Variants in RYR3 observed in about 807,000 individuals in gnomAD.
RYR3 encodes the protein brain ryanodine receptor-calcium release channel.
RYR3 carries 207 observed loss-of-function variants against 584.3 expected under a neutral mutation model. The observed-to-expected ratio is 0.35, with a 90% CI of 0.32 to 0.40. The LOEUF is 0.40. Ranked by LOEUF, RYR3 falls within the 10% of genes least tolerant of loss-of-function variation. The probability of loss-of-function intolerance (pLI) is 1.00; values close to 1 mark genes in which losing one functional copy is unlikely to be tolerated. For synonymous variants in RYR3, 2,416 were observed against 2,248.5 expected, an observed-to-expected ratio of 1.07 and a Z score of -2.11; for missense variants, 5,616 against 6,089.2, an observed-to-expected ratio of 0.92 and a Z score of 2.59.
chr15:33,714,080 G>A (rs1261353120), intron 43 of RYR3, among the ~76,000 whole-genome samples: 1 of 152,092 alleles, frequency 6.6e-6, no homozygotes, highest in African/African-American at 2.4e-5. Context: ...AGTCTCATAG[G>A]TAGTAGAAAG....
At chr15:33,466,656 T>G (rs2048510692) in intron 1 of RYR3, among the ~76,000 whole-genome samples, 1 of 152,222 alleles carries the variant, frequency 6.6e-6, no homozygotes, top group South Asian at 2.1e-4. Context: ...AAAATGAGAT[T>G]AATAATATTT....
intron 38 of RYR3, among the ~76,000 whole-genome samples, chr15:33,673,406 G>A (rs375280515): frequency 2.6e-5 from 4 of 152,266 alleles, no homozygotes; most frequent in East Asian, 1.9e-4. Flanking sequence ...AATGTTGAAG[G>A]GATTTGCCTA....
chr15:33,342,330 A>G (rs1354795209), intron 1 of RYR3, among the ~76,000 whole-genome samples: 2 of 152,210 alleles, frequency 1.3e-5, no homozygotes, highest in Admixed American at 6.5e-5. Context: ...ATACAAGATG[A>G]CAGAAGTTGT....
Position 33,741,816 on chromosome 15 carries a change from G to A in RYR3, c.7821-550G>A, listed in dbSNP as rs1035237559. Among the ~76,000 whole-genome samples, 7 of 151,934 alleles carry A rather than the reference G, an allele frequency of 4.6e-5. No homozygotes were observed. The South Asian group carries it at 8.3e-4, about 18-fold the overall frequency. On this transcript the variant is annotated intron_variant, in intron 51 of 103. Coordinates refer to ENST00000634891, the MANE Select transcript of RYR3 (RefSeq NM_001036.6). The stretch of plus-strand genomic sequence containing the variant: ...TTTTTAGTAGAGACGGGGTTTCACC[G>A]TGTTAGCCAGGATGGTCTCGATTTC...
intron 10 of RYR3, among the ~76,000 whole-genome samples, chr15:33,561,829 G>A (rs961065611): frequency 4.0e-5 from 6 of 151,878 alleles, no homozygotes; most frequent in Non-Finnish European, 8.8e-5. Context: ...GAGCCTGGGG[G>A]CAGAGGTTGC....
At chr15:33,511,865 A>G (rs1340653795) in intron 3 of RYR3, among the ~76,000 whole-genome samples, 18 of 152,000 alleles carry the variant, frequency 1.2e-4, no homozygotes, top group South Asian at 8.3e-4. Context: ...TGCAAGCTCC[A>G]CCTCCCGGGT....
At position 33,425,206 on chromosome 15, in the gene RYR3, C is replaced by G. The variant is rs192695195; in HGVS notation, c.52-48213C>G. On this transcript the variant is annotated intron_variant, in intron 1 of 103. Coordinates refer to ENST00000634891, the MANE Select transcript of RYR3 (RefSeq NM_001036.6). ...TTGGTGTAAGTCACTTTAATAGCCC[C>G]CTAAAGGAGATAAAGAATTGCATAA... Among the ~76,000 whole-genome samples, 5 of 152,222 alleles carry G rather than the reference C, an allele frequency of 3.3e-5. No homozygotes were observed. The East Asian group carries it at 9.7e-4, about 29-fold the overall frequency.
chr15:33,551,037 G>A (rs992068356), intron 10 of RYR3, among the ~76,000 whole-genome samples: 8 of 152,094 alleles, frequency 5.3e-5, no homozygotes, highest in Non-Finnish European at 8.8e-5. Flanking sequence ...TTCTTTTTTA[G>A]AAACCGCCTC....
chr15:33,638,913 A>T (rs2061647701), intron 27 of RYR3, among the ~76,000 whole-genome samples: 1 of 152,186 alleles, frequency 6.6e-6, no homozygotes, highest in Non-Finnish European at 1.5e-5. Flanking sequence ...CCAGGAAGCT[A>T]TAGGAAAGGG....
chr15:33,781,008 G>T (rs190194512), intron 65 of RYR3, among the ~76,000 whole-genome samples: 1 of 152,284 alleles, frequency 6.6e-6, no homozygotes, highest in East Asian at 1.9e-4. Context: ...GCTTTAGCAC[G>T]ACAATGGCAG....
intron 1 of RYR3, among the ~76,000 whole-genome samples, chr15:33,313,026 C>G (rs1967574828): frequency 6.6e-6 from 1 of 152,160 alleles, no homozygotes; most frequent in Non-Finnish European, 1.5e-5. Context: ...GGTTCAGAGC[C>G]CCTGTTGCAG....
chr15:33,370,200 T>C (rs2040230718), intron 1 of RYR3, among the ~76,000 whole-genome samples: 1 of 152,108 alleles, frequency 6.6e-6, no homozygotes. Flanking sequence ...TATACAACCA[T>C]GCACTGAGAT....
At chr15:33,575,834 T>TTA (rs1555535393) in intron 12 of RYR3, among the ~76,000 whole-genome samples, 4,417 of 144,548 alleles carry the variant, frequency 0.031, 215 homozygotes, top group African/African-American at 0.099. Context: ...GAGCTGGTTT[T>TTA]AAAAAAAAAA....
At chr15:33,596,504 G>GGT (rs1555547396) in intron 16 of RYR3, among the ~76,000 whole-genome samples, 1 of 143,998 alleles carries the variant, frequency 6.9e-6, no homozygotes, top group Non-Finnish European at 1.5e-5. Context: ...TTGGGGGGGG[G>GGT]GGATTTCTGA....
chr15:33,711,552 C>T (rs1327501997), intron 43 of RYR3, among the ~76,000 whole-genome samples: 1 of 152,180 alleles, frequency 6.6e-6, no homozygotes, highest in Non-Finnish European at 1.5e-5. Context: ...TACCAGGCCA[C>T]TTCTTGAACA....
intron 38 of RYR3, among the ~76,000 whole-genome samples, chr15:33,678,036 TAAG>T (rs1360209810): frequency 1.3e-5 from 2 of 152,186 alleles, no homozygotes; most frequent in Non-Finnish European, 2.9e-5. Context: ...AGGCTTGGGT[TAAG>T]AAGGGCCATC....
chr15:33,772,296 A>AAAG (rs57592758), intron 63 of RYR3, 138 bp downstream of exon 63: 148,127 of 563,780 alleles, frequency 0.26, 15,737 homozygotes, highest in East Asian at 0.41. Flanking sequence ...TTAGATTAAA[A>AAAG]AAGAAGAAGA....
intron 3 of RYR3, among the ~76,000 whole-genome samples, chr15:33,509,396 T>C (rs2052767171): frequency 6.6e-6 from 1 of 152,186 alleles, no homozygotes; most frequent in East Asian, 1.9e-4. Flanking sequence ...ATTTAGCATC[T>C]CACTCTGAGG....
intron 2 of RYR3, among the ~76,000 whole-genome samples, chr15:33,481,478 CTT>C (rs34269008): frequency 8.6e-5 from 13 of 150,370 alleles, no homozygotes; most frequent in African/African-American, 2.7e-4. Context: ...TTTTTGAATA[CTT>C]TTTTTTTTGG....
Sources: allele counts gnomAD v4.1 joint callset (sites outside exome capture counted in the v4.1 genomes callset), GRCh38; gene constraint gnomAD v4.1.1; transcripts MANE v1.5; gene names NCBI Gene and HGNC (gene_info 2026-07-23, HGNC 2026-07-21).